MED27: variants seen among roughly 807,000 people sequenced by gnomAD.
The protein encoded by MED27 is mediator of RNA polymerase II transcription subunit 27.
Under a neutral mutation model 38.2 loss-of-function variants are expected in MED27, and 30 were observed. The ratio of observed to expected loss-of-function variants is 0.79; its 90% confidence interval spans 0.59 to 1.07. The LOEUF (loss-of-function observed/expected upper bound fraction) is 1.07. MED27 is among the 50% of genes least tolerant of loss of function. The pLI is 0.00. For synonymous variants in MED27, 122 were observed against 153.5 expected, an observed-to-expected ratio of 0.79 and a Z score of 1.52; for missense variants, 289 against 397.5, an observed-to-expected ratio of 0.73 and a Z score of 2.32.
chr9:132,042,553 C>T (rs565260327), intron 2 of MED27, among the ~76,000 whole-genome samples: 1 of 152,172 alleles, frequency 6.6e-6, no homozygotes, highest in Non-Finnish European at 1.5e-5. Flanking sequence ...TATCCACAGT[C>T]TAGTGGCCAC....
chr9:131,919,378 G>A (rs932793298), intron 4 of MED27, among the ~76,000 whole-genome samples: 5 of 152,138 alleles, frequency 3.3e-5, no homozygotes, highest in African/African-American at 1.2e-4. Context: ...AGACTCTAGG[G>A]AGCTGAGGGC....
At chr9:131,993,778 T>C (rs1353168355) in intron 3 of MED27, among the ~76,000 whole-genome samples, 2 of 152,190 alleles carry the variant, frequency 1.3e-5, no homozygotes, top group African/African-American at 2.4e-5. Context: ...GGGGCCACTG[T>C]CTGTGTGGGG....
At chr9:132,075,593 G>C (rs57932731) in intron 2 of MED27, among the ~76,000 whole-genome samples, 1 of 152,160 alleles carries the variant, frequency 6.6e-6, no homozygotes, top group Admixed American at 6.5e-5. Flanking sequence ...TCTAATAGTA[G>C]AACAATTCAG....
At chr9:132,005,316 CAGA>C (rs1364894015) in intron 3 of MED27, among the ~76,000 whole-genome samples, 2 of 152,168 alleles carry the variant, frequency 1.3e-5, no homozygotes, top group Non-Finnish European at 2.9e-5. Flanking sequence ...AACAAAAAAG[CAGA>C]AGGAGAAAGA....
chr9:131,920,037 T>C (rs1230709662), intron 4 of MED27, among the ~76,000 whole-genome samples: 1 of 152,142 alleles, frequency 6.6e-6, no homozygotes, highest in African/African-American at 2.4e-5. Context: ...TCTTGAATTC[T>C]TGCACTCAAG....
rs1489970263 is a variant in MED27, at chr9:131,917,003, T to C, written c.573+22378A>G. On this transcript the variant is annotated intron_variant, in intron 4 of 7. Transcript: ENST00000292035. This position sits in a 1 kb window ranked among gnomAD's most constrained non-coding sequence, Gnocchi z 4.6. Reference sequence around the variant, plus strand: ...CATCTCAAAGAATGCACAGCCGTTTTGCCAGAAGGGGCAGCAGGTGGAGAA... The same window carrying C: ...CATCTCAAAGAATGCACAGCCGTTTCGCCAGAAGGGGCAGCAGGTGGAGAA... 3.3e-5 allele frequency among the ~76,000 whole-genome samples: 5 copies of C among 152,192 alleles called. No homozygotes were observed. Among genetic ancestry groups the C allele is most frequent in the Admixed American group, 2.6e-4 (4 of 15,288 alleles).
chr9:132,078,864 T>C (rs1834112731), intron 1 of MED27, among the ~76,000 whole-genome samples: 1 of 152,216 alleles, frequency 6.6e-6, no homozygotes, highest in Non-Finnish European at 1.5e-5. Flanking sequence ...GTGCCTACTA[T>C]GTGCCAGGCC....
chr9:132,056,932 G>A (rs969802863), intron 2 of MED27, among the ~76,000 whole-genome samples: 12 of 152,154 alleles, frequency 7.9e-5, no homozygotes, highest in African/African-American at 2.7e-4. Flanking sequence ...TGAGGCCATC[G>A]TGCCCTGACA....
intron 4 of MED27, among the ~76,000 whole-genome samples, chr9:131,914,976 C>G (rs1401922112): frequency 6.6e-6 from 1 of 152,168 alleles, no homozygotes; most frequent in Non-Finnish European, 1.5e-5. Flanking sequence ...TCTCAAGCAG[C>G]AAATGTGGAA....
chr9:131,976,995 A>C (rs1055768410), intron 3 of MED27, among the ~76,000 whole-genome samples: 3 of 152,196 alleles, frequency 2.0e-5, no homozygotes, highest in African/African-American at 7.2e-5. Context: ...AAAAGCACTA[A>C]TTGGGGCTCT....
At chr9:131,995,721 C>G (rs1488263167) in intron 3 of MED27, among the ~76,000 whole-genome samples, 1 of 152,158 alleles carries the variant, frequency 6.6e-6, no homozygotes, top group East Asian at 1.9e-4. Flanking sequence ...ATTCATTGAT[C>G]ACATCACATA....
chr9:131,912,524 A>G (rs1421783968), intron 4 of MED27, among the ~76,000 whole-genome samples: 1 of 152,124 alleles, frequency 6.6e-6, no homozygotes, highest in Non-Finnish European at 1.5e-5. Context: ...GGTGACAGCA[A>G]TGCTGCTCCC....
At chr9:131,884,607 T>TA (rs1332248200) in intron 5 of MED27, among the ~76,000 whole-genome samples, 1 of 78,936 alleles carries the variant, frequency 1.3e-5, no homozygotes, top group Non-Finnish European at 2.5e-5. Context: ...TCTCTTTACT[T>TA]TTTTTTTTTT....
chr9:131,904,518 C>CT lies in MED27; in HGVS notation c.574-10527dup, dbSNP rs1243464922. On this transcript the variant is annotated intron_variant, in intron 4 of 7. Transcript: ENST00000292035. ...TGGACTAATTTTTCTTTTTTCTTTT[C>CT]TTTTTTTTTTAAATAGAGATCGGGG... 1.4e-3 allele frequency among the ~76,000 whole-genome samples: 210 copies of CT among 146,460 alleles called. 1 individual carries two copies. Among genetic ancestry groups the CT allele is most frequent in the African/African-American group, 4.7e-3 (184 of 39,012 alleles).
intron 4 of MED27, among the ~76,000 whole-genome samples, chr9:131,908,003 G>A (rs938074208): frequency 2.6e-5 from 4 of 151,464 alleles, no homozygotes; most frequent in African/African-American, 9.7e-5. Flanking sequence ...TCTGAGAAGT[G>A]AGGAGCCCCT....
intron 2 of MED27, among the ~76,000 whole-genome samples, chr9:132,068,090 G>A (rs796367590): frequency 5.9e-5 from 9 of 152,230 alleles, no homozygotes; most frequent in African/African-American, 2.2e-4. Flanking sequence ...AAAGGGGGGA[G>A]GAAACAAGCT....
At chr9:132,055,928 G>A (rs1833565994) in intron 2 of MED27, among the ~76,000 whole-genome samples, 1 of 152,218 alleles carries the variant, frequency 6.6e-6, no homozygotes, top group African/African-American at 2.4e-5. Flanking sequence ...CACAGAGGCA[G>A]CTGCCAGCTT....
At chr9:131,991,816 G>A (rs1319661509) in intron 3 of MED27, among the ~76,000 whole-genome samples, 1 of 152,154 alleles carries the variant, frequency 6.6e-6, no homozygotes, top group African/African-American at 2.4e-5. Flanking sequence ...CCACCTCCCA[G>A]GTTCAAGCGA....
intron 6 of MED27, among the ~76,000 whole-genome samples, chr9:131,874,162 G>A (rs12344143): frequency 0.17 from 25,594 of 152,172 alleles, 2,200 homozygotes; most frequent in African/African-American, 0.19. Context: ...GCCCCAACAC[G>A]TTTTCCTGGC....
Sources: gnomAD v4.1 joint callset for allele counts (sites outside exome capture counted in the v4.1 genomes callset) on GRCh38, gnomAD v4.1.1 for gene constraint, Gnocchi (gnomAD v3.1) non-coding constraint, MANE v1.5 for transcripts, NCBI Gene and HGNC (gene_info 2026-07-23, HGNC 2026-07-21) for gene names.